The following PCGF6 variants were observed in gnomAD, a reference collection of about 807,000 sequenced individuals.
PCGF6 encodes the protein polycomb group RING finger protein 6.
In PCGF6, 24 loss-of-function variants were observed where a neutral mutation model predicts 45.5. The observed-to-expected ratio is 0.53, with a 90% confidence interval of 0.38 to 0.74. The LOEUF (loss-of-function observed/expected upper bound fraction) is 0.74. Among genes scored for constraint, PCGF6 ranks in the 30% least tolerant of loss-of-function variants. The pLI is 0.00. For missense variants in PCGF6, 356 were observed against 443.2 expected (o/e 0.80, Z 1.77); for synonymous variants, 152 against 162.1 (o/e 0.94, Z 0.47).
chr10:103,326,708 T>C, intron 7 of PCGF6, 76 bp from the exon 8 acceptor site: 1 of 1,047,250 alleles, frequency 9.5e-7, no homozygotes, highest in Non-Finnish European at 1.4e-6. Context: ...TATATATATG[T>C]AATGTGTAAA....
In PCGF6 at chr10:103,350,971, G is replaced by A; in HGVS notation, c.96C>T (p.Pro32=). ...CCGCTGCGGGTGCAGGGGTGAGGGC[G>A]GGCGGGGAGACAGGAGGCGGAGGCG... ...ALPPPPPVSP[P]ALTPAPAAGE... Residue 32 remains proline, a synonymous_variant, in exon 1 of 10, where the codon CCC becomes CCT. Transcript: ENST00000369847. 2.1e-6 allele frequency: 3 copies of A among 1,431,332 alleles called. No individual in the cohort carries two copies. The highest frequency in any genetic ancestry group is 2.7e-6 in the Non-Finnish European group (3 of 1,095,000). 88.7% of individuals were successfully genotyped at this position (1,431,332 alleles called of 1,614,324 possible). A position where few individuals can be genotyped will look rare whatever the true frequency, so the allele number is the denominator to read the frequency against.
At chr10:103,318,755 GA>G (rs993521489) in intron 8 of PCGF6, among the ~76,000 whole-genome samples, 2 of 150,690 alleles carry the variant, frequency 1.3e-5, no homozygotes, top group Non-Finnish European at 1.5e-5. Flanking sequence ...AAAAAAAAAA[GA>G]AAAAAGAAAA....
intron 8 of PCGF6, among the ~76,000 whole-genome samples, chr10:103,320,335 G>T (rs1340889548): frequency 6.6e-6 from 1 of 152,134 alleles, no homozygotes; most frequent in Non-Finnish European, 1.5e-5. Flanking sequence ...CTATGAGAAA[G>T]AAACATATTT....
chr10:103,343,379 G>C (rs907793137), intron 6 of PCGF6, among the ~76,000 whole-genome samples: 1 of 151,862 alleles, frequency 6.6e-6, no homozygotes, highest in Non-Finnish European at 1.5e-5. Context: ...TACAACATGA[G>C]AAATCTAGAT....
chr10:103,310,400 T>C (rs1222575543), intron 9 of PCGF6, among the ~76,000 whole-genome samples: 1 of 152,102 alleles, frequency 6.6e-6, no homozygotes, highest in Admixed American at 6.6e-5. Context: ...ACAGAAAGGT[T>C]CTGTATGTGA....
chr10:103,331,306 G>A (rs1177884126), intron 7 of PCGF6, among the ~76,000 whole-genome samples: 2 of 152,198 alleles, frequency 1.3e-5, no homozygotes, highest in East Asian at 1.9e-4. Context: ...AGGCTGGAGT[G>A]AAGTGGCATG....
At chr10:103,329,391 AT>A (rs1469387539) in intron 7 of PCGF6, among the ~76,000 whole-genome samples, 1 of 152,060 alleles carries the variant, frequency 6.6e-6, no homozygotes, top group Non-Finnish European at 1.5e-5. Context: ...TAGGGCTGTC[AT>A]TACTAAAAGA....
chr10:103,306,618 C>G (rs1003135533), intron 9 of PCGF6, among the ~76,000 whole-genome samples: 2 of 152,184 alleles, frequency 1.3e-5, no homozygotes, highest in African/African-American at 2.4e-5. Context: ...CCTCAACTCA[C>G]TGCAATCTGG....
chr10:103,335,207 A>C (rs920469992), intron 6 of PCGF6, among the ~76,000 whole-genome samples: 2 of 150,464 alleles, frequency 1.3e-5, no homozygotes, highest in Non-Finnish European at 3.0e-5. Flanking sequence ...GCCACCATGC[A>C]TGGCTAATTA....
intron 7 of PCGF6, among the ~76,000 whole-genome samples, chr10:103,328,073 T>G (rs1053814852): frequency 1.1e-4 from 16 of 152,232 alleles, no homozygotes; most frequent in African/African-American, 3.1e-4. Flanking sequence ...AGGTGATAAG[T>G]AGATGACAGA....
At chr10:103,327,841 A>ATTT (rs11345505) in intron 7 of PCGF6, among the ~76,000 whole-genome samples, 1 of 137,428 alleles carries the variant, frequency 7.3e-6, no homozygotes, top group Non-Finnish European at 1.6e-5. Context: ...CGCCCAACTA[A>ATTT]TTTTTTTTTT....
intron 7 of PCGF6, among the ~76,000 whole-genome samples, chr10:103,330,732 A>T (rs1258795977): frequency 1.3e-5 from 2 of 152,200 alleles, no homozygotes; most frequent in African/African-American, 4.8e-5. Context: ...GTTCAAGACC[A>T]GCCTGGCTAA....
intron 7 of PCGF6, 72 bp from the exon 8 acceptor site, chr10:103,326,704 T>A: frequency 2.8e-6 from 3 of 1,079,462 alleles, no homozygotes. Context: ...TGTGTATATA[T>A]ATGTAATGTG....
In PCGF6 at chr10:103,350,885, G is replaced by A; in HGVS notation, c.182C>T (p.Pro61Leu). The A allele has an allele frequency of 6.5e-7, 1 of 1,532,818 alleles. No individual in the cohort carries two copies. The highest frequency in any genetic ancestry group is 8.8e-7 in the Non-Finnish European group (1 of 1,141,996). 95.0% of individuals were successfully genotyped at this position (1,532,818 alleles called of 1,614,324 possible). ...TGAPGCSGSR[P>L]PELEPERSLG... ...GCTGCGCTCCGGCTCCAGCTCAGGG[G>A]GCCGGGAGCCGGAGCAGCCGGGAGC... The change falls in exon 1 of 10, where the codon CCC becomes CTC. Residue 61 changes from proline to leucine, a missense_variant. Pro to Leu is a moderately conservative substitution (Grantham distance 98). Around this residue, in one of 2 missense-constraint regions of PCGF6, gnomAD observed 307 missense variants for 350.1 expected, o/e 0.88. Transcript: ENST00000369847.
At chr10:103,316,013 T>TATAGAGAGAGAG (rs1311416309) in intron 8 of PCGF6, among the ~76,000 whole-genome samples, 2 of 119,502 alleles carry the variant, frequency 1.7e-5, no homozygotes, top group African/African-American at 6.5e-5. Flanking sequence ...TATATATATA[T>TATAGAGAGAGAG]AGAGAGAGAG....
chr10:103,326,483 C>T, intron 8 of PCGF6, 51 bp downstream of exon 8: 1 of 1,204,508 alleles, frequency 8.3e-7, no homozygotes, highest in South Asian at 1.5e-5. Context: ...CTACAGTGTG[C>T]TAAAGGTAAG....
chr10:103,326,103 T>C (rs2093217202), intron 8 of PCGF6, among the ~76,000 whole-genome samples: 1 of 151,966 alleles, frequency 6.6e-6, no homozygotes, highest in Non-Finnish European at 1.5e-5. Flanking sequence ...AATATTCAAT[T>C]AGCATTAACA....
chr10:103,338,529 A>G (rs1219057342), intron 6 of PCGF6, among the ~76,000 whole-genome samples: 3 of 143,902 alleles, frequency 2.1e-5, no homozygotes, highest in African/African-American at 7.7e-5. Flanking sequence ...TGGGAAACAG[A>G]GCGAGACTCC....
intron 8 of PCGF6, 121 bp from the exon 9 acceptor site, chr10:103,314,393 G>C: frequency 1.7e-6 from 1 of 573,690 alleles, no homozygotes; most frequent in South Asian, 2.5e-5. Context: ...ATTTTAGACT[G>C]ATTAAACGCT....
Sources: gnomAD v4.1 joint callset for allele counts (sites outside exome capture counted in the v4.1 genomes callset) on GRCh38, gnomAD v4.1.1 for gene constraint, gnomAD v4.1.1 regional missense constraint, MANE v1.5 for transcripts, NCBI Gene and HGNC (gene_info 2026-07-23, HGNC 2026-07-21) for gene names.